SMIM35: variants seen among roughly 807,000 people sequenced by gnomAD.
SMIM35 encodes TMPRSS4 antisense RNA 1 (non-protein coding).
chr11:118,038,117 T>C (rs1462706604), intron 1 of SMIM35, among the ~76,000 whole-genome samples: 1 of 152,202 alleles, frequency 6.6e-6, no homozygotes, highest in Non-Finnish European at 1.5e-5. Context: ...CATGCTTTTT[T>C]CAAGGGGAGA....
chr11:118,034,923 T>C (rs964325449), intron 1 of SMIM35, among the ~76,000 whole-genome samples: 2 of 151,778 alleles, frequency 1.3e-5, no homozygotes, highest in African/African-American at 4.8e-5. Flanking sequence ...AAATTGCGGT[T>C]ATGAATATAA....
chr11:118,046,823 TGA>T (rs1005688157), intron 1 of SMIM35, among the ~76,000 whole-genome samples: 1 of 152,230 alleles, frequency 6.6e-6, no homozygotes, highest in Admixed American at 6.5e-5. Context: ...TCTATTCATA[TGA>T]GAGTCGGTAT....
chr11:118,036,956 G>A (rs1348854898), intron 1 of SMIM35, among the ~76,000 whole-genome samples: 3 of 152,144 alleles, frequency 2.0e-5, no homozygotes, highest in East Asian at 3.9e-4. Flanking sequence ...TCCTGTTTTT[G>A]CCTAATTAGC....
chr11:118,078,871 CA>C (rs1178196597), intron 1 of SMIM35, among the ~76,000 whole-genome samples: 2 of 152,192 alleles, frequency 1.3e-5, no homozygotes, highest in Non-Finnish European at 2.9e-5. Flanking sequence ...GCCCCACGCA[CA>C]TGCACCGGGT....
chr11:118,038,359 G>A (rs907662503), intron 1 of SMIM35, among the ~76,000 whole-genome samples: 5 of 152,130 alleles, frequency 3.3e-5, no homozygotes, highest in South Asian at 4.1e-4. Flanking sequence ...TAACACCCAC[G>A]TAAAGAATTT....
At chr11:118,075,562 T>G (rs1449980876) in intron 1 of SMIM35, among the ~76,000 whole-genome samples, 1 of 152,224 alleles carries the variant, frequency 6.6e-6, no homozygotes, top group Non-Finnish European at 1.5e-5. Context: ...CAGCCCCAAC[T>G]CTGCCCGAAA....
At chr11:118,029,182 G>A (rs1281848368) in intron 1 of SMIM35, among the ~76,000 whole-genome samples, 1 of 152,144 alleles carries the variant, frequency 6.6e-6, no homozygotes, top group East Asian at 1.9e-4. Context: ...TACTCAAGAG[G>A]CCAGGGCAGT....
intron 1 of SMIM35, among the ~76,000 whole-genome samples, chr11:118,034,803 C>A (rs1463961650): frequency 6.6e-6 from 1 of 152,176 alleles, no homozygotes; most frequent in Non-Finnish European, 1.5e-5. Context: ...CAAAGAATGA[C>A]AAGGGGGACG....
At chr11:118,064,784 C>T (rs1944444319) in intron 1 of SMIM35, among the ~76,000 whole-genome samples, 1 of 152,224 alleles carries the variant, frequency 6.6e-6, no homozygotes, top group South Asian at 2.1e-4. Context: ...GCTGGGACTA[C>T]AGGCATGTGC....
At chr11:118,039,921 T>G (rs1943972601) in intron 1 of SMIM35, among the ~76,000 whole-genome samples, 2 of 151,918 alleles carry the variant, frequency 1.3e-5, no homozygotes, top group South Asian at 4.2e-4. Context: ...GGCACAGGCC[T>G]GTAGTCCCAG....
intron 1 of SMIM35, among the ~76,000 whole-genome samples, chr11:118,028,239 C>T (rs777582061): frequency 6.6e-6 from 1 of 152,176 alleles, no homozygotes; most frequent in Non-Finnish European, 1.5e-5. Flanking sequence ...CAGGCATGCT[C>T]ATTATGACAG....
At chr11:118,047,246 G>A (rs1944112167) in intron 1 of SMIM35, among the ~76,000 whole-genome samples, 1 of 152,208 alleles carries the variant, frequency 6.6e-6, no homozygotes, top group South Asian at 2.1e-4. Context: ...TTTACACGTG[G>A]TCTGTGACAT....
intron 1 of SMIM35, among the ~76,000 whole-genome samples, chr11:118,022,388 A>G (rs2058238328): frequency 6.6e-6 from 1 of 152,236 alleles, no homozygotes; most frequent in Non-Finnish European, 1.5e-5. Flanking sequence ...ATAAATTTTT[A>G]AAAGTTAAAA....
chr11:118,041,440 A>G (rs1039924666), intron 1 of SMIM35, among the ~76,000 whole-genome samples: 4 of 152,220 alleles, frequency 2.6e-5, no homozygotes, highest in Non-Finnish European at 4.4e-5. Context: ...AAGAATAAAA[A>G]TAATACAAAG....
chr11:118,080,417 C>A (rs1264006585), intron 1 of SMIM35, among the ~76,000 whole-genome samples: 1 of 152,174 alleles, frequency 6.6e-6, no homozygotes, highest in African/African-American at 2.4e-5. Flanking sequence ...GGAGCTGCAC[C>A]TGCCGAGGTG....
intron 1 of SMIM35, among the ~76,000 whole-genome samples, chr11:118,020,274 G>A (rs61579653): frequency 0.096 from 14,563 of 151,968 alleles, 961 homozygotes; most frequent in East Asian, 0.37. Context: ...ATAACTAACT[G>A]ACTAAATAAA....
intron 4 of SMIM35, among the ~76,000 whole-genome samples, chr11:118,008,054 G>A (rs11216672): frequency 0.057 from 8,672 of 151,838 alleles, 528 homozygotes; most frequent in East Asian, 0.35. Flanking sequence ...AGTTTTAGCA[G>A]AGATGGGTTT....
At chr11:118,012,689 G>T (rs141940044) in intron 4 of SMIM35, among the ~76,000 whole-genome samples, 1 of 152,346 alleles carries the variant, frequency 6.6e-6, no homozygotes, top group Non-Finnish European at 1.5e-5. Context: ...CCAGATTGGG[G>T]ATGGGGCAGG....
chr11:118,056,664 G>A (rs1448874674), intron 1 of SMIM35, among the ~76,000 whole-genome samples: 3 of 152,142 alleles, frequency 2.0e-5, no homozygotes, highest in Non-Finnish European at 4.4e-5. Flanking sequence ...ATAAAAGCAA[G>A]AAAAAGAGAG....
Sources: allele counts gnomAD v4.1 joint callset (sites outside exome capture counted in the v4.1 genomes callset), GRCh38; gene constraint gnomAD v4.1.1; transcripts MANE v1.5; gene names NCBI Gene and HGNC (gene_info 2026-07-23, HGNC 2026-07-21).